The following SHC4 variants were observed in gnomAD, a reference collection of about 807,000 sequenced individuals.
SHC4 encodes SHC adaptor protein 4.
In SHC4, 41 loss-of-function variants were observed where a neutral mutation model predicts 69.4. The observed-to-expected ratio is 0.59, with a 90% CI of 0.46 to 0.77. The LOEUF is 0.77. Among genes scored for constraint, SHC4 ranks in the 30% least tolerant of loss-of-function variants. The pLI is 0.00. For synonymous variants in SHC4, 318 were observed against 299.3 expected (o/e 1.06, Z -0.64); for missense variants, 777 against 783.8 (o/e 0.99, Z 0.10).
At chr15:48,869,584 C>T (rs1486692793) in intron 5 of SHC4, among the ~76,000 whole-genome samples, 1 of 152,236 alleles carries the variant, frequency 6.6e-6, no homozygotes, top group African/African-American at 2.4e-5. Flanking sequence ...ACAACACTGT[C>T]AGGCAATAGG....
At chr15:48,880,843 CTACT>C (rs1899925581) in intron 4 of SHC4, among the ~76,000 whole-genome samples, 2 of 152,180 alleles carry the variant, frequency 1.3e-5, no homozygotes, top group South Asian at 4.1e-4. Context: ...ACAAACCAGA[CTACT>C]TGGTTAAAAT....
At chr15:48,864,967 C>T (rs1022878305) in intron 6 of SHC4, among the ~76,000 whole-genome samples, 3 of 152,208 alleles carry the variant, frequency 2.0e-5, no homozygotes, top group Non-Finnish European at 2.9e-5. Flanking sequence ...CGCCTTTACA[C>T]GCACATTCGC....
chr15:48,830,687 T>G (rs935000048), intron 11 of SHC4, among the ~76,000 whole-genome samples: 7 of 152,142 alleles, frequency 4.6e-5, no homozygotes, highest in African/African-American at 1.7e-4. Context: ...TTGAAAAGAC[T>G]AAAAACATGG....
chr15:48,881,870 C>T (rs1166059409), intron 4 of SHC4, among the ~76,000 whole-genome samples: 3 of 151,978 alleles, frequency 2.0e-5, no homozygotes, highest in African/African-American at 7.2e-5. Context: ...TATTTTCTGC[C>T]TCTGGAGGTT....
At chr15:48,907,191 C>T (rs1462973635) in intron 2 of SHC4, among the ~76,000 whole-genome samples, 2 of 151,102 alleles carry the variant, frequency 1.3e-5, no homozygotes, top group Non-Finnish European at 2.9e-5. Flanking sequence ...TGATAACGGT[C>T]ATGGTGATGT....
chr15:48,837,452 T>C (rs547746317), intron 10 of SHC4, among the ~76,000 whole-genome samples: 4 of 152,314 alleles, frequency 2.6e-5, no homozygotes, highest in Admixed American at 1.3e-4. Context: ...CATCACTAAA[T>C]AAAACCGCTC....
intron 1 of SHC4, among the ~76,000 whole-genome samples, chr15:48,951,902 C>T (rs1017361078): frequency 6.6e-6 from 1 of 152,206 alleles, no homozygotes; most frequent in Non-Finnish European, 1.5e-5. Flanking sequence ...TTTCCTACCA[C>T]ACCTCCTCAT....
intron 2 of SHC4, among the ~76,000 whole-genome samples, chr15:48,920,004 TCACGGAGTTTG>T (rs1567070092): frequency 6.6e-6 from 1 of 150,438 alleles, no homozygotes; most frequent in Non-Finnish European, 1.5e-5. Context: ...GCCTACAAGT[TCACGGAGTTTG>T]TTTTTTTTTT....
At position 48,837,209 on chromosome 15, in the gene SHC4, G is replaced by A. The variant is rs569614386; in HGVS notation, c.1484-2187C>T. Among the ~76,000 whole-genome samples, 26 of 152,280 alleles carry A rather than the reference G, an allele frequency of 1.7e-4. No individual in the cohort carries two copies. In the South Asian group the frequency reaches 4.8e-3, roughly 28 times the overall value. The stretch of plus-strand genomic sequence containing the variant: ...TTATATCATCTTGAAAAGAGGCAAC[G>A]GATCGTGGGCCAACCAGAGGAAATG... On this transcript the variant is annotated intron_variant, in intron 10 of 11. Transcript: ENST00000332408.
At chr15:48,921,313 A>T (rs1900747581) in intron 2 of SHC4, among the ~76,000 whole-genome samples, 1 of 150,668 alleles carries the variant, frequency 6.6e-6, no homozygotes, top group Non-Finnish European at 1.5e-5. Flanking sequence ...GGGGAGGAAG[A>T]GGAAATGGGA....
At chr15:48,909,913 C>T (rs1900476508) in intron 2 of SHC4, among the ~76,000 whole-genome samples, 1 of 152,074 alleles carries the variant, frequency 6.6e-6, no homozygotes, top group Non-Finnish European at 1.5e-5. Context: ...CCCACTTGAT[C>T]ATGGTGGATT....
chr15:48,946,472 CCT>C (rs767033762), intron 1 of SHC4: 8 of 615,164 alleles, frequency 1.3e-5, no homozygotes, highest in African/African-American at 2.0e-5. Context: ...CCTTCTCCCT[CCT>C]CTCTTTCTCC....
rs573157740 is a variant in SHC4, at chr15:48,892,276, A to G, written c.657-1465T>C. 1.6e-4 allele frequency among the ~76,000 whole-genome samples: 25 copies of G among 152,314 alleles called. No homozygotes were observed. In the South Asian group the frequency reaches 5.2e-3, roughly 32 times the overall value. On this transcript the variant is annotated intron_variant, in intron 2 of 11. Coordinates refer to ENST00000332408, the MANE Select transcript of SHC4 (RefSeq NM_203349.4). ...AGATTCTAGGCATTATTTTGCACTT[A>G]TAATGTATGTTTTAGCTCAGATCAT...
intron 4 of SHC4, among the ~76,000 whole-genome samples, chr15:48,874,518 C>T (rs1383872096): frequency 6.6e-6 from 1 of 152,096 alleles, no homozygotes; most frequent in Non-Finnish European, 1.5e-5. Flanking sequence ...AGATCAGTGG[C>T]GACATTAGAT....
At chr15:48,833,038 G>C (rs148128236) in intron 11 of SHC4, among the ~76,000 whole-genome samples, 1 of 152,110 alleles carries the variant, frequency 6.6e-6, no homozygotes, top group East Asian at 1.9e-4. Flanking sequence ...TTTAGGATCT[G>C]TTTCTAGATA....
At chr15:48,826,199 G>A in intron 11 of SHC4, 73 bp from the exon 12 acceptor site, 1 of 1,372,766 alleles carries the variant, frequency 7.3e-7, no homozygotes, top group Non-Finnish European at 9.8e-7. Context: ...TAATAAGGGG[G>A]AAAATGCCAG....
chr15:48,837,821 C>T lies in SHC4; in HGVS notation c.1484-2799G>A, dbSNP rs575684093. Among the ~76,000 whole-genome samples the T allele has an allele frequency of 5.9e-5, 9 of 151,968 alleles. No homozygotes were observed. The East Asian group carries it at 1.5e-3, about 26-fold the overall frequency. ...TCCACACCCAAATGGATCTAATGGG[C>T]AAAAACCTCTAAAAGGGAAAATACA... On this transcript the variant is annotated intron_variant, in intron 10 of 11. Transcript: ENST00000332408.
intron 10 of SHC4, among the ~76,000 whole-genome samples, chr15:48,838,002 C>T (rs1272152805): frequency 1.3e-5 from 2 of 152,150 alleles, no homozygotes; most frequent in Non-Finnish European, 2.9e-5. Flanking sequence ...CACCTGTATA[C>T]AATTTTTATA....
intron 2 of SHC4, among the ~76,000 whole-genome samples, chr15:48,920,015 G>GTTT (rs11293084): frequency 5.7e-5 from 8 of 139,510 alleles, no homozygotes; most frequent in Admixed American, 2.9e-4. Context: ...CACGGAGTTT[G>GTTT]TTTTTTTTTT....
Sources: allele counts gnomAD v4.1 joint callset (sites outside exome capture counted in the v4.1 genomes callset), GRCh38; gene constraint gnomAD v4.1.1; transcripts MANE v1.5; gene names NCBI Gene and HGNC (gene_info 2026-07-23, HGNC 2026-07-21).